Variants in MSI2 observed in about 807,000 individuals in gnomAD.
The protein encoded by MSI2 is musashi RNA binding protein 2.
Under a neutral mutation model 45.6 loss-of-function variants are expected in MSI2, and 17 were observed. That is an observed-to-expected ratio of 0.37 (90% CI 0.26 to 0.56). MSI2 has a LOEUF of 0.56. Among genes scored for constraint, MSI2 ranks in the 20% least tolerant of loss-of-function variants. The pLI is 0.77. For synonymous variants in MSI2, 156 were observed against 158.2 expected, an observed-to-expected ratio of 0.99 and a Z score of 0.11; for missense variants, 293 against 444.2, an observed-to-expected ratio of 0.66 and a Z score of 3.06.
intron 6 of MSI2, among the ~76,000 whole-genome samples, chr17:57,421,825 C>T (rs1237984578): frequency 6.6e-6 from 1 of 152,136 alleles, no homozygotes; most frequent in Non-Finnish European, 1.5e-5. Context: ...CCACTGCACT[C>T]CAGCCTGGGC....
At chr17:57,500,889 G>C (rs1288191727) in intron 6 of MSI2, among the ~76,000 whole-genome samples, 1 of 151,644 alleles carries the variant, frequency 6.6e-6, no homozygotes, top group Non-Finnish European at 1.5e-5. Flanking sequence ...CTTGAGTCCA[G>C]GAGGTCAAGG....
chr17:57,491,837 C>T (rs940960591), intron 6 of MSI2, among the ~76,000 whole-genome samples: 1 of 152,212 alleles, frequency 6.6e-6, no homozygotes, highest in Non-Finnish European at 1.5e-5. Flanking sequence ...ACCTTTCTAG[C>T]CTGGCAGCTT....
chr17:57,296,360 A>G (rs2143506070), intron 5 of MSI2, among the ~76,000 whole-genome samples: 1 of 152,288 alleles, frequency 6.6e-6, no homozygotes, highest in East Asian at 1.9e-4. Context: ...ATTAACATAA[A>G]TTACTTTTAA....
At chr17:57,447,688 C>T (rs544533189) in intron 6 of MSI2, among the ~76,000 whole-genome samples, 1 of 152,206 alleles carries the variant, frequency 6.6e-6, no homozygotes, top group African/African-American at 2.4e-5. Context: ...GAGGATGGAT[C>T]ATCCCCTGAG....
downstream of MSI2, among the ~76,000 whole-genome samples, chr17:57,688,543 A>G (rs1388723758): frequency 6.6e-6 from 1 of 152,176 alleles, no homozygotes; most frequent in African/African-American, 2.4e-5. Context: ...AAAACAGGTA[A>G]CCCCAGAATC....
At chr17:57,354,909 C>A (rs1347768606) in intron 5 of MSI2, among the ~76,000 whole-genome samples, 1 of 152,070 alleles carries the variant, frequency 6.6e-6, no homozygotes, top group Non-Finnish European at 1.5e-5. Context: ...TTTTATGGGG[C>A]CACAAAACTG....
chr17:57,539,036 C>T (rs2086983160), intron 7 of MSI2, among the ~76,000 whole-genome samples: 1 of 152,170 alleles, frequency 6.6e-6, no homozygotes, highest in South Asian at 2.1e-4. Context: ...GTTTTATGCA[C>T]ACGTGCATAT....
At position 57,529,851 on chromosome 17, in the gene MSI2, A is replaced by C; in HGVS notation, c.454+127A>C. The stretch of plus-strand genomic sequence containing the variant: ...GTCAAGCAGGTAGAGGTGACCATCC[A>C]TTGAAGATCTTTATTCACGGAGAGT... On this transcript the variant is annotated intron_variant, in intron 7 of 13. Coordinates refer to ENST00000284073, the MANE Select transcript of MSI2 (RefSeq NM_138962.4). The surrounding 1 kb of genome is among the most constrained non-coding windows in gnomAD (Gnocchi z 5.3). 2 of 717,056 alleles carry C rather than the reference A, an allele frequency of 2.8e-6. No individual in the cohort carries two copies. Among genetic ancestry groups the C allele is most frequent in the Non-Finnish European group, 4.6e-6 (2 of 433,626 alleles). The allele number at this position is 717,056 out of a possible 1,614,324, so 44.4% of individuals were successfully genotyped here.
At chr17:57,478,933 G>A (rs2085594619) in intron 6 of MSI2, among the ~76,000 whole-genome samples, 1 of 152,164 alleles carries the variant, frequency 6.6e-6, no homozygotes, top group Admixed American at 6.5e-5. Context: ...TAGTCAGTGA[G>A]TGTGTGCTGT....
At chr17:57,575,125 C>CA (rs1330284418) in intron 7 of MSI2, among the ~76,000 whole-genome samples, 2 of 150,868 alleles carry the variant, frequency 1.3e-5, no homozygotes, top group African/African-American at 4.9e-5. Flanking sequence ...CCACTGTGCC[C>CA]GGCCGCATTC....
At chr17:57,633,069 C>A (rs2144628065) in intron 10 of MSI2, 1 of 1,036,952 alleles carries the variant, frequency 9.6e-7, no homozygotes, top group Middle Eastern at 4.5e-4. Flanking sequence ...ACGTTTTAGC[C>A]ATTGTGAATT....
chr17:57,288,870 G>A (rs1187825643), intron 5 of MSI2, among the ~76,000 whole-genome samples: 1 of 149,764 alleles, frequency 6.7e-6, no homozygotes, highest in African/African-American at 2.4e-5. Flanking sequence ...CATTGTATCT[G>A]TAGTAGGATG....
At chr17:57,590,428 T>C (rs533292613) in intron 7 of MSI2, among the ~76,000 whole-genome samples, 8 of 152,228 alleles carry the variant, frequency 5.3e-5, no homozygotes, top group African/African-American at 1.9e-4. Flanking sequence ...CTTCTGTGTA[T>C]GTGGTCTTTT....
intron 6 of MSI2, among the ~76,000 whole-genome samples, chr17:57,473,756 A>G (rs1285665247): frequency 1.3e-5 from 2 of 152,180 alleles, no homozygotes; most frequent in Non-Finnish European, 2.9e-5. Flanking sequence ...TTGTCTGGAC[A>G]GGTGCCGAGG....
intron 5 of MSI2, among the ~76,000 whole-genome samples, chr17:57,370,092 G>A (rs901703901): frequency 7.9e-5 from 12 of 152,174 alleles, no homozygotes; most frequent in Non-Finnish European, 1.3e-4. Context: ...GTTAAAATTT[G>A]CCCAGCCCAT....
chr17:57,268,064 C>T (rs1364772879), intron 5 of MSI2: 1 of 152,180 alleles, frequency 6.6e-6, no homozygotes, highest in Non-Finnish European at 1.5e-5. Flanking sequence ...ATTTCCACAG[C>T]ACTTACCTTT....
chr17:57,593,289 G>T (rs1377005913), intron 7 of MSI2, among the ~76,000 whole-genome samples: 1 of 152,170 alleles, frequency 6.6e-6, no homozygotes, highest in African/African-American at 2.4e-5. Flanking sequence ...TGTGGCTGCC[G>T]TAACAAATTA....
chr17:57,356,448 A>G lies in MSI2; in HGVS notation c.313-44931A>G, dbSNP rs139379010. On this transcript the variant is annotated intron_variant, in intron 5 of 13. Coordinates refer to ENST00000284073, the MANE Select transcript of MSI2 (RefSeq NM_138962.4). The stretch of plus-strand genomic sequence containing the variant: ...AGCCAAAAGCACTCTTAGCAATCCG[A>G]CATAGACATCATTTTAGATGTACAG... Among the ~76,000 whole-genome samples the G allele has an allele frequency of 2.4e-3, 365 of 152,298 alleles. 1 individual carries two copies. Among genetic ancestry groups the G allele is most frequent in the Admixed American group, 5.2e-3 (80 of 15,300 alleles).
At chr17:57,321,403 T>C (rs796545996) in intron 5 of MSI2, among the ~76,000 whole-genome samples, 27 of 152,148 alleles carry the variant, frequency 1.8e-4, no homozygotes, top group African/African-American at 6.3e-4. Context: ...GAGAAAAAAG[T>C]GATCAAAGAA....
Sources: gnomAD v4.1 joint callset for allele counts (sites outside exome capture counted in the v4.1 genomes callset) on GRCh38, gnomAD v4.1.1 for gene constraint, Gnocchi (gnomAD v3.1) non-coding constraint, MANE v1.5 for transcripts, NCBI Gene and HGNC (gene_info 2026-07-23, HGNC 2026-07-21) for gene names.